CCDC91: variants seen among roughly 807,000 people sequenced by gnomAD.
The protein encoded by CCDC91 is coiled-coil domain-containing protein 91.
CCDC91 carries 48 observed loss-of-function variants against 63.2 expected under a neutral mutation model. The ratio of observed to expected loss-of-function variants is 0.76; its 90% CI spans 0.60 to 0.97. CCDC91 has a LOEUF of 0.97. CCDC91 is among the 50% of genes least tolerant of loss of function. The pLI is 0.00. For synonymous variants in CCDC91, 167 were observed against 165.8 expected (o/e 1.01, Z -0.06); for missense variants, 500 against 494.6 (o/e 1.01, Z -0.10).
intron 12 of CCDC91, among the ~76,000 whole-genome samples, chr12:28,515,623 A>G (rs971938736): frequency 6.6e-6 from 1 of 151,974 alleles, no homozygotes; most frequent in Non-Finnish European, 1.5e-5. Flanking sequence ...CTGTTGTTTC[A>G]TAAATGCAGA....
At chr12:28,523,834 A>G (rs908411926) in intron 12 of CCDC91, among the ~76,000 whole-genome samples, 1 of 152,112 alleles carries the variant, frequency 6.6e-6, no homozygotes, top group Admixed American at 6.6e-5. Context: ...TCACTTATGA[A>G]GCTTAGTTTG....
intron 6 of CCDC91, among the ~76,000 whole-genome samples, chr12:28,319,700 TATA>T (rs1364032278): frequency 4.6e-5 from 7 of 151,658 alleles, no homozygotes; most frequent in Admixed American, 3.3e-4. Flanking sequence ...AATAATACAA[TATA>T]ATAATAAGAG....
At chr12:28,475,230 T>C (rs1023726425) in intron 11 of CCDC91, among the ~76,000 whole-genome samples, 6 of 152,090 alleles carry the variant, frequency 3.9e-5, no homozygotes, top group East Asian at 1.9e-4. Flanking sequence ...CCTTCCTTCA[T>C]TTTTTTAAGG....
intron 3 of CCDC91, among the ~76,000 whole-genome samples, chr12:28,264,001 T>C (rs1299062586): frequency 6.6e-6 from 1 of 151,908 alleles, no homozygotes; most frequent in African/African-American, 2.4e-5. Context: ...TTTTTTTTTT[T>C]TGGTGCTCAA....
intron 3 of CCDC91, among the ~76,000 whole-genome samples, chr12:28,273,571 T>G (rs555805508): frequency 3.9e-4 from 59 of 152,304 alleles, no homozygotes; most frequent in African/African-American, 1.3e-3. Context: ...GGTTTTGATT[T>G]GCATTTCTCT....
At chr12:28,273,866 T>C (rs1366318890) in intron 3 of CCDC91, among the ~76,000 whole-genome samples, 1 of 152,250 alleles carries the variant, frequency 6.6e-6, no homozygotes, top group East Asian at 1.9e-4. Flanking sequence ...TTGTCAATTT[T>C]GGCTTTTGTT....
chr12:28,519,554 T>A (rs1940352505), intron 12 of CCDC91, among the ~76,000 whole-genome samples: 4 of 151,754 alleles, frequency 2.6e-5, no homozygotes, highest in South Asian at 2.1e-4. Flanking sequence ...TGTATCTTTC[T>A]CTTTTCTTTT....
At chr12:28,356,917 C>G (rs1943563676) in intron 6 of CCDC91, among the ~76,000 whole-genome samples, 1 of 152,084 alleles carries the variant, frequency 6.6e-6, no homozygotes, top group South Asian at 2.1e-4. Flanking sequence ...TTTTTAAGAT[C>G]ACTGTAATAA....
intron 11 of CCDC91, among the ~76,000 whole-genome samples, chr12:28,471,963 C>G (rs1192194074): frequency 6.6e-6 from 1 of 152,130 alleles, no homozygotes; most frequent in Admixed American, 6.6e-5. Context: ...GTTGGCCAGG[C>G]TGGTCTCGAA....
chr12:28,460,850 TAGA>T (rs1950273020), intron 11 of CCDC91, among the ~76,000 whole-genome samples: 1 of 151,908 alleles, frequency 6.6e-6, no homozygotes, highest in Non-Finnish European at 1.5e-5. Flanking sequence ...GAGGGACAGA[TAGA>T]AGAAGTAGGT....
intron 8 of CCDC91, among the ~76,000 whole-genome samples, chr12:28,429,079 TG>T (rs1948491366): frequency 6.6e-6 from 1 of 152,174 alleles, no homozygotes; most frequent in African/African-American, 2.4e-5. Flanking sequence ...AACTAGTGGT[TG>T]GTGTTGATGT....
chr12:28,435,262 G>A (rs1465626844), intron 8 of CCDC91, among the ~76,000 whole-genome samples: 2 of 151,194 alleles, frequency 1.3e-5, no homozygotes, highest in African/African-American at 4.8e-5. Flanking sequence ...ATATATTCTG[G>A]GCACTGCTTT....
Position 28,257,210 on chromosome 12 carries a change from T to A in CCDC91, c.-6T>A, listed in dbSNP as rs1565681985. 6.2e-7 allele frequency: 1 copy of A among 1,608,548 alleles called. No individual in the cohort carries two copies. Among genetic ancestry groups the A allele is most frequent in the Non-Finnish European group, 8.5e-7 (1 of 1,175,256 alleles). ...TATCTTATATTTTTCAGGTGCCACT[T>A]GAAGAATGGATGATGATGATTTTGG... On this transcript the variant is annotated 5_prime_UTR_variant, in exon 2 of 13. Coordinates refer to ENST00000536442, the MANE Select transcript of CCDC91 (RefSeq NM_018318.5).
rs769513921 is a variant in CCDC91 at position 28,307,676 on chromosome 12, T to C, written c.503T>C (p.Val168Ala). The C allele has an allele frequency of 5.7e-6, 9 of 1,582,604 alleles. No individual in the cohort carries two copies. In the South Asian group the frequency reaches 1.0e-4, roughly 18 times the overall value. The change falls in exon 6 of 13, where the codon GTC (valine) becomes GCC (alanine). Residue 168 changes from valine to alanine, a missense_variant. Transcript: ENST00000536442. ...DVESLMEKHNVLEKGFLKEKE... is the reference protein window; with the variant it reads ...DVESLMEKHNALEKGFLKEKE... ...GAATCATTGATGGAAAAGCATAATG[T>C]CTTAGAAAAAGGCTTTCTAAAAGAA...
intron 6 of CCDC91, among the ~76,000 whole-genome samples, chr12:28,349,403 T>C (rs545892237): frequency 1.8e-3 from 277 of 152,318 alleles, no homozygotes; most frequent in Middle Eastern, 6.8e-3. Flanking sequence ...ATGACGAGGC[T>C]GTTTATTGTC....
chr12:28,442,411 A>T (rs1391551474), intron 8 of CCDC91, among the ~76,000 whole-genome samples: 1 of 152,108 alleles, frequency 6.6e-6, no homozygotes, highest in Non-Finnish European at 1.5e-5. Context: ...TTCTTTGAAG[A>T]TTTGAATTCA....
At chr12:28,335,239 C>A (rs1941849523) in intron 6 of CCDC91, among the ~76,000 whole-genome samples, 1 of 125,560 alleles carries the variant, frequency 8.0e-6, no homozygotes, top group African/African-American at 2.9e-5. Flanking sequence ...ACATAGTATA[C>A]TTATATAATA....
intron 11 of CCDC91, among the ~76,000 whole-genome samples, chr12:28,463,629 G>A (rs2140495854): frequency 6.6e-6 from 1 of 152,234 alleles, no homozygotes; most frequent in East Asian, 1.9e-4. Context: ...CTGGTGACTG[G>A]AAATAGGATA....
intron 11 of CCDC91, among the ~76,000 whole-genome samples, chr12:28,460,504 T>C (rs1224777802): frequency 2.0e-5 from 3 of 152,114 alleles, no homozygotes; most frequent in Admixed American, 2.0e-4. Flanking sequence ...TTCAGATGTC[T>C]AAATGGGATT....
Sources: gnomAD v4.1 joint callset for allele counts (sites outside exome capture counted in the v4.1 genomes callset) on GRCh38, gnomAD v4.1.1 for gene constraint, MANE v1.5 for transcripts, NCBI Gene and HGNC (gene_info 2026-07-23, HGNC 2026-07-21) for gene names.